CACNB4: variants seen among roughly 807,000 people sequenced by gnomAD.
The protein encoded by CACNB4 is voltage-dependent L-type calcium channel subunit beta-4.
CACNB4 carries 32 observed loss-of-function variants against 71.2 expected under a neutral mutation model. That is an observed-to-expected ratio of 0.45 (90% CI 0.34 to 0.60). The LOEUF (loss-of-function observed/expected upper bound fraction) is 0.60. CACNB4 is among the 20% of genes least tolerant of loss of function. The pLI, the probability that CACNB4 is intolerant of heterozygous loss-of-function variation, is 0.01. For missense variants in CACNB4, 464 were observed against 647.9 expected (o/e 0.72, Z 3.08); for synonymous variants, 231 against 236.9 (o/e 0.97, Z 0.23).
chr2:152,076,861 T>C (rs1253504296), intron 2 of CACNB4, among the ~76,000 whole-genome samples: 1 of 152,260 alleles, frequency 6.6e-6, no homozygotes, highest in African/African-American at 2.4e-5. Context: ...CTTTGGAGCT[T>C]ACATTCCAGT....
At chr2:151,918,347 A>G (rs1172666661) in intron 2 of CACNB4, among the ~76,000 whole-genome samples, 5 of 152,218 alleles carry the variant, frequency 3.3e-5, no homozygotes, top group Non-Finnish European at 5.9e-5. Flanking sequence ...TTTCCTCCCA[A>G]ATTGCTTACA....
intron 2 of CACNB4, among the ~76,000 whole-genome samples, chr2:151,940,098 A>T (rs1313110957): frequency 6.6e-6 from 1 of 152,256 alleles, no homozygotes. Context: ...GCAAGTGTTA[A>T]CATAAATATA....
chr2:151,983,195 C>T (rs2099875017), intron 2 of CACNB4, among the ~76,000 whole-genome samples: 1 of 152,178 alleles, frequency 6.6e-6, no homozygotes, highest in Non-Finnish European at 1.5e-5. Flanking sequence ...TTTTTCAAAG[C>T]CCAAATGAAT....
Position 152,098,393 on chromosome 2 carries a change from G to C in CACNB4, c.84C>G (p.Thr28=), listed in dbSNP as rs1390567104. 4.3e-6 allele frequency: 7 copies of C among 1,613,518 alleles called. No individual in the cohort carries two copies. The highest frequency in any genetic ancestry group is 5.9e-6 in the Non-Finnish European group (7 of 1,179,602). ...PTSQVARGTT[T]RRSRLKRSDG... The stretch of plus-strand genomic sequence containing the variant: ...CGGATCTTTTCAACCTGCTCCTCCG[G>C]GTTGTGGTGCCTCGGGCCACCTGGA... The change falls in exon 2 of 14, where the codon ACC becomes ACG. Residue 28 remains threonine, a synonymous_variant. Transcript: ENST00000539935. The surrounding 1 kb of genome is among the most constrained non-coding windows in gnomAD (Gnocchi z 5.3).
intron 7 of CACNB4, 100 bp downstream of exon 7, chr2:151,870,742 T>G: frequency 3.3e-6 from 4 of 1,216,974 alleles, no homozygotes; most frequent in Non-Finnish European, 4.8e-6. Context: ...GAGGAGGCTC[T>G]TCCCTTATTT....
chr2:151,973,384 G>A (rs2099873138), intron 2 of CACNB4: 2 of 432,698 alleles, frequency 4.6e-6, no homozygotes, highest in South Asian at 3.6e-5. Context: ...AGTTACCCCT[G>A]GTGAGATCAA....
Position 152,041,291 on chromosome 2 carries a change from A to G in CACNB4, c.147+57039T>C, listed in dbSNP as rs536501046. Reference sequence around the variant, plus strand: ...TGTGTATAGAGAGATCTGTGTTCTTAAGCTCAAGAATCTGTTTAATAAACT... The same window carrying G: ...TGTGTATAGAGAGATCTGTGTTCTTGAGCTCAAGAATCTGTTTAATAAACT... On this transcript the variant is annotated intron_variant, in intron 2 of 13. Coordinates refer to ENST00000539935, the MANE Select transcript of CACNB4 (RefSeq NM_000726.5). Among the ~76,000 whole-genome samples, 3 of 152,316 alleles carry G rather than the reference A, an allele frequency of 2.0e-5. No individual in the cohort carries two copies. The East Asian group carries it at 5.8e-4, about 29-fold the overall frequency.
chr2:152,068,872 A>T (rs953309329), intron 2 of CACNB4, among the ~76,000 whole-genome samples: 1 of 152,228 alleles, frequency 6.6e-6, no homozygotes, highest in East Asian at 1.9e-4. Context: ...TGAGATGCAC[A>T]GTTGGTCCCT....
intron 2 of CACNB4, among the ~76,000 whole-genome samples, chr2:151,911,789 G>T (rs1485824898): frequency 1.3e-5 from 2 of 152,162 alleles, no homozygotes; most frequent in African/African-American, 4.8e-5. Flanking sequence ...GAATTCAGCT[G>T]TGAATCCGTC....
intron 2 of CACNB4, among the ~76,000 whole-genome samples, chr2:151,938,898 G>C (rs1268494273): frequency 1.3e-5 from 2 of 152,338 alleles, no homozygotes; most frequent in East Asian, 3.9e-4. Context: ...TGAAAGGAGA[G>C]ATGGATTGGG....
intron 2 of CACNB4, among the ~76,000 whole-genome samples, chr2:152,024,701 C>CTACA (rs756466723): frequency 3.9e-5 from 6 of 152,216 alleles, no homozygotes; most frequent in Non-Finnish European, 8.8e-5. Flanking sequence ...TGGAAGGCTG[C>CTACA]TACACCCTTA....
intron 2 of CACNB4, among the ~76,000 whole-genome samples, chr2:151,924,071 A>ATATTT (rs2099859606): frequency 1.1e-5 from 1 of 94,552 alleles, no homozygotes; most frequent in Non-Finnish European, 2.7e-5. Context: ...CTATTCTGAA[A>ATATTT]TCTTTTTTTT....
intron 2 of CACNB4, among the ~76,000 whole-genome samples, chr2:151,984,437 C>T (rs767109938): frequency 2.0e-5 from 3 of 152,140 alleles, no homozygotes; most frequent in Non-Finnish European, 4.4e-5. Context: ...AGACAGATGG[C>T]CTGTGAGCCT....
chr2:152,024,716 C>T (rs1683868897), intron 2 of CACNB4, among the ~76,000 whole-genome samples: 1 of 152,214 alleles, frequency 6.6e-6, no homozygotes, highest in African/African-American at 2.4e-5. Flanking sequence ...CCCTTAGGGA[C>T]TTGCCATTGT....
At chr2:151,979,803 C>A (rs372470968) in intron 2 of CACNB4, among the ~76,000 whole-genome samples, 3 of 152,126 alleles carry the variant, frequency 2.0e-5, no homozygotes, top group Admixed American at 2.0e-4. Flanking sequence ...TGGTTGCAAT[C>A]AAAGCTCTCA....
At chr2:152,079,646 C>T (rs561067287) in intron 2 of CACNB4, among the ~76,000 whole-genome samples, 35 of 151,870 alleles carry the variant, frequency 2.3e-4, no homozygotes, top group African/African-American at 6.0e-4. Context: ...ATTAGCTGGG[C>T]GCAGTGGTGT....
chr2:152,038,060 C>T (rs1052902351), intron 2 of CACNB4, among the ~76,000 whole-genome samples: 1 of 152,192 alleles, frequency 6.6e-6, no homozygotes, highest in Non-Finnish European at 1.5e-5. Flanking sequence ...ATCAGAGGGC[C>T]CCCAAAGAAA....
chr2:151,991,043 T>A (rs1222749069), intron 2 of CACNB4, among the ~76,000 whole-genome samples: 1 of 152,246 alleles, frequency 6.6e-6, no homozygotes, highest in Admixed American at 6.5e-5. Context: ...AAATTGCATG[T>A]CTAAGTCCTA....
At chr2:151,930,280 G>A (rs1375709907) in intron 2 of CACNB4, among the ~76,000 whole-genome samples, 1 of 152,120 alleles carries the variant, frequency 6.6e-6, no homozygotes, top group East Asian at 1.9e-4. Flanking sequence ...GATAGATGTT[G>A]CAAAAGCTGG....
Sources: gnomAD v4.1 joint callset for allele counts (sites outside exome capture counted in the v4.1 genomes callset) on GRCh38, gnomAD v4.1.1 for gene constraint, Gnocchi (gnomAD v3.1) non-coding constraint, MANE v1.5 for transcripts, NCBI Gene and HGNC (gene_info 2026-07-23, HGNC 2026-07-21) for gene names.